RAD51B: variants seen among roughly 807,000 people sequenced by gnomAD.
RAD51B encodes DNA repair protein RAD51 homolog 2.
RAD51B carries 38 observed loss-of-function variants against 42.2 expected under a neutral mutation model. That is an observed-to-expected ratio of 0.90 (90% confidence interval 0.70 to 1.18). RAD51B has a LOEUF of 1.18. Among genes scored for constraint, RAD51B ranks in the 50% most tolerant of loss-of-function variants. The probability of loss-of-function intolerance (pLI) is 0.00; values close to 1 mark genes in which losing one functional copy is unlikely to be tolerated. For missense variants in RAD51B, 373 were observed against 400.7 expected (o/e 0.93, Z 0.59); for synonymous variants, 154 against 145.2 (o/e 1.06, Z -0.43).
At chr14:68,497,128 T>C in intron 10 of RAD51B, 1 of 1,393,988 alleles carries the variant, frequency 7.2e-7, no homozygotes, top group Non-Finnish European at 9.6e-7. Context: ...TTGCAGCCTA[T>C]GGAAATTCCT....
chr14:68,130,282 T>G (rs2077859490), intron 7 of RAD51B: 1 of 152,260 alleles, frequency 6.6e-6, no homozygotes, highest in East Asian at 1.9e-4. Flanking sequence ...ATTGATTTTC[T>G]CTGAGGAGAT....
chr14:67,850,997 C>A (rs949821428), intron 4 of RAD51B, among the ~76,000 whole-genome samples: 1 of 152,142 alleles, frequency 6.6e-6, no homozygotes, highest in African/African-American at 2.4e-5. Context: ...AGAACTTCAT[C>A]ACTTAGCTTA....
chr14:67,926,438 C>T (rs1216256115), intron 7 of RAD51B, among the ~76,000 whole-genome samples: 1 of 152,154 alleles, frequency 6.6e-6, no homozygotes. Flanking sequence ...TATCTGAGAC[C>T]ACCTCAGCCT....
intron 10 of RAD51B, among the ~76,000 whole-genome samples, chr14:68,648,435 C>A (rs73285899): frequency 0.024 from 3,535 of 149,136 alleles, 146 homozygotes; most frequent in African/African-American, 0.082. Context: ...ACATTCTAAT[C>A]TTTTCCCCTT....
chr14:68,622,987 G>A (rs1344329169), intron 10 of RAD51B, among the ~76,000 whole-genome samples: 1 of 152,182 alleles, frequency 6.6e-6, no homozygotes, highest in Non-Finnish European at 1.5e-5. Flanking sequence ...ATTCAGATCT[G>A]AAAGCGGAGA....
intron 10 of RAD51B, among the ~76,000 whole-genome samples, chr14:68,639,947 G>A (rs959631616): frequency 9.9e-5 from 15 of 151,882 alleles, no homozygotes; most frequent in African/African-American, 2.4e-4. Context: ...GATTACAGGC[G>A]TGCACCACCA....
At chr14:68,086,048 C>T (rs2076978809) in intron 7 of RAD51B, among the ~76,000 whole-genome samples, 1 of 152,196 alleles carries the variant, frequency 6.6e-6, no homozygotes, top group Non-Finnish European at 1.5e-5. Flanking sequence ...GGACAGAGGG[C>T]TTTCTGTATC....
chr14:68,152,661 C>T (rs1219355097), intron 7 of RAD51B, among the ~76,000 whole-genome samples: 1 of 151,510 alleles, frequency 6.6e-6, no homozygotes. Flanking sequence ...TAGGGAAATT[C>T]GTATCACAGG....
At chr14:67,849,694 A>T (rs866790398) in intron 4 of RAD51B, among the ~76,000 whole-genome samples, 1 of 152,214 alleles carries the variant, frequency 6.6e-6, no homozygotes. Flanking sequence ...CAGCTTGGCA[A>T]TCATAAAGTG....
chr14:68,069,651 T>G (rs1261749386), intron 7 of RAD51B: 2 of 152,224 alleles, frequency 1.3e-5, no homozygotes, highest in Admixed American at 6.5e-5. Flanking sequence ...TTCCATGGTA[T>G]GTATGTACCA....
chr14:68,436,167 C>T (rs952006171), intron 9 of RAD51B, among the ~76,000 whole-genome samples: 2 of 152,134 alleles, frequency 1.3e-5, no homozygotes, highest in East Asian at 1.9e-4. Context: ...TACATTTAAG[C>T]ATTTAATCCA....
chr14:68,511,799 G>A (rs796671578), intron 10 of RAD51B, among the ~76,000 whole-genome samples: 5 of 103,724 alleles, frequency 4.8e-5, no homozygotes, highest in African/African-American at 1.3e-4. Flanking sequence ...AGTGATCTAG[G>A]GGGCATAGGG....
At chr14:68,185,327 T>A (rs1188332678) in intron 7 of RAD51B, among the ~76,000 whole-genome samples, 1 of 152,190 alleles carries the variant, frequency 6.6e-6, no homozygotes, top group East Asian at 1.9e-4. Context: ...ATAGGGCAAG[T>A]GGAGTGGCAT....
rs185171269 is a variant in RAD51B at position 68,163,507 on chromosome 14, G to A, written c.757-128377G>A. Among the ~76,000 whole-genome samples the A allele has an allele frequency of 7.5e-3, 1,134 of 151,976 alleles. 12 individuals are homozygous for A. Among genetic ancestry groups the A allele is most frequent in the African/African-American group, 0.022 (922 of 41,452 alleles). ...CATGCCTGTCGTGCCCATTTTTTTG[G>A]CCTCACTTCTTTACCTAATCTCAGG... On this transcript the variant is annotated intron_variant, in intron 7 of 10. Coordinates refer to ENST00000471583, the MANE Select transcript of RAD51B (RefSeq NM_133510.4).
At chr14:68,319,227 C>T (rs2082115562) in intron 8 of RAD51B, among the ~76,000 whole-genome samples, 1 of 152,094 alleles carries the variant, frequency 6.6e-6, no homozygotes, top group African/African-American at 2.4e-5. Context: ...TTAGGGTTCC[C>T]AAAAAATTCC....
At chr14:68,207,072 G>T (rs1479492310) in intron 7 of RAD51B, among the ~76,000 whole-genome samples, 1 of 152,032 alleles carries the variant, frequency 6.6e-6, no homozygotes, top group Non-Finnish European at 1.5e-5. Flanking sequence ...TTACAGGCTT[G>T]AGCCACCGCA....
intron 8 of RAD51B, among the ~76,000 whole-genome samples, chr14:68,382,643 T>A (rs2083503823): frequency 6.6e-6 from 1 of 152,242 alleles, no homozygotes; most frequent in African/African-American, 2.4e-5. Context: ...GGAGTTGATT[T>A]GCTCACCAAT....
intron 10 of RAD51B, among the ~76,000 whole-genome samples, chr14:68,544,735 C>T (rs1888134023): frequency 1.3e-5 from 2 of 152,230 alleles, no homozygotes; most frequent in South Asian, 4.2e-4. Context: ...GGCACATGCC[C>T]AGTACTTTTC....
chr14:68,244,111 A>C (rs1044650033), intron 7 of RAD51B, among the ~76,000 whole-genome samples: 1 of 152,212 alleles, frequency 6.6e-6, no homozygotes, highest in Non-Finnish European at 1.5e-5. Context: ...TGTCATCTAA[A>C]ATGTTATAGA....
Sources: gnomAD v4.1 joint callset for allele counts (sites outside exome capture counted in the v4.1 genomes callset) on GRCh38, gnomAD v4.1.1 for gene constraint, MANE v1.5 for transcripts, NCBI Gene and HGNC (gene_info 2026-07-23, HGNC 2026-07-21) for gene names.